MYO3A: variants seen among roughly 807,000 people sequenced by gnomAD.
The protein encoded by MYO3A is myosin IIIA, also known as myosin-IIIa.
In MYO3A, 180 loss-of-function variants were observed where a neutral mutation model predicts 192.7. The ratio of observed to expected loss-of-function variants is 0.93; its 90% CI spans 0.83 to 1.06. The LOEUF is 1.06. Ranked by LOEUF, MYO3A falls within the 50% of genes least tolerant of loss-of-function variation. The probability of loss-of-function intolerance (pLI) is 0.00; values close to 1 mark genes in which losing one functional copy is unlikely to be tolerated. For missense variants in MYO3A, 1,896 were observed against 1,905.0 expected, an observed-to-expected ratio of 1.00 and a Z score of 0.09; for synonymous variants, 628 against 645.3, an observed-to-expected ratio of 0.97 and a Z score of 0.41.
At chr10:26,184,723 C>G (rs1349670585) in intron 31 of MYO3A, among the ~76,000 whole-genome samples, 1 of 152,154 alleles carries the variant, frequency 6.6e-6, no homozygotes, top group Admixed American at 6.5e-5. Flanking sequence ...AAATATCTTA[C>G]CTTCTGGCTA....
chr10:25,962,996 A>G (rs1838035173), intron 4 of MYO3A, among the ~76,000 whole-genome samples: 1 of 152,162 alleles, frequency 6.6e-6, no homozygotes, highest in African/African-American at 2.4e-5. Context: ...CAGAGTTAGG[A>G]CATCTTTCTG....
chr10:26,177,365 G>C (rs1842387088), intron 31 of MYO3A, among the ~76,000 whole-genome samples: 2 of 152,084 alleles, frequency 1.3e-5, no homozygotes, highest in African/African-American at 2.4e-5. Context: ...CTGTGCAAAG[G>C]TTATATGGCC....
intron 31 of MYO3A, among the ~76,000 whole-genome samples, chr10:26,180,035 A>G (rs1004879063): frequency 1.3e-5 from 2 of 151,996 alleles, no homozygotes; most frequent in Non-Finnish European, 2.9e-5. Context: ...GGGTTTCACC[A>G]TGTTGGCCAG....
intron 20 of MYO3A, among the ~76,000 whole-genome samples, chr10:26,137,751 G>T (rs902026443): frequency 6.6e-6 from 1 of 152,160 alleles, no homozygotes; most frequent in African/African-American, 2.4e-5. Context: ...CCTGGGGGAG[G>T]TCTATAATCG....
At chr10:26,156,801 C>A (rs539108872) in intron 25 of MYO3A, among the ~76,000 whole-genome samples, 4 of 152,116 alleles carry the variant, frequency 2.6e-5, no homozygotes, top group Non-Finnish European at 5.9e-5. Context: ...AGGTATTAAG[C>A]CCAGTACCCG....
rs1312117021 is a variant in MYO3A, at chr10:26,118,186, G to GT, written c.1777-2480dup. Among the ~76,000 whole-genome samples the GT allele has an allele frequency of 9.4e-3, 1,388 of 148,080 alleles. 13 individuals carry two copies. Among genetic ancestry groups the GT allele is most frequent in the Non-Finnish European group, 0.015 (1,007 of 66,774 alleles). On this transcript the variant is annotated intron_variant, in intron 17 of 34. Coordinates refer to ENST00000642920, the MANE Select transcript of MYO3A (RefSeq NM_017433.5). ...TATCCTTTGCCCACTTTTTAATAGG[G>GT]TTTTTTTTTTCCTAAGGCCTATAGT...
chr10:26,200,762 C>G (rs1335190221), intron 32 of MYO3A: 2 of 152,236 alleles, frequency 1.3e-5, no homozygotes, highest in African/African-American at 4.8e-5. Context: ...ACATTTATGT[C>G]ATAAATGGGC....
intron 4 of MYO3A, among the ~76,000 whole-genome samples, chr10:25,980,251 A>AG (rs1379675011): frequency 1.3e-5 from 2 of 151,426 alleles, no homozygotes; most frequent in Non-Finnish European, 2.9e-5. Context: ...AAAAAAAAAA[A>AG]GCAAAAAACC....
Position 26,168,811 on chromosome 10 carries a change from T to G in MYO3A, c.3211T>G (p.Cys1071Gly). The G allele has an allele frequency of 6.2e-7, 1 of 1,613,090 alleles. No homozygotes were observed. Among genetic ancestry groups the G allele is most frequent in the Non-Finnish European group, 8.5e-7 (1 of 1,179,618 alleles). ...TCAAGCTTGTGTCAGAGCATTCTTGTGTTCAAGAAGATACCAAAAAATACA... is the reference window on the plus strand; with the variant it reads ...TCAAGCTTGTGTCAGAGCATTCTTGGGTTCAAGAAGATACCAAAAAATACA... The part of the protein sequence containing the change: ...LIQACVRAFL[C>G]SRRYQKIQEK... Residue 1071 changes from cysteine (C) to glycine (G), a missense_variant, in exon 28 of 35, where the codon TGT (cysteine) becomes GGT (glycine). By Grantham distance (159) the Cys-to-Gly change is radical. Transcript: ENST00000642920.
rs143558205 is a variant in MYO3A at position 26,108,924 on chromosome 10, G to A, written c.1777-11752G>A. Among the ~76,000 whole-genome samples the A allele has an allele frequency of 1.7e-3, 253 of 152,284 alleles. 1 individual carries two copies. Among genetic ancestry groups the A allele is most frequent in the African/African-American group, 5.8e-3 (241 of 41,568 alleles). On this transcript the variant is annotated intron_variant, in intron 17 of 34. Transcript: ENST00000642920. The stretch of plus-strand genomic sequence containing the variant: ...AACTAGGGCCCTGCCTTACAAGGGA[G>A]GTTTAGGTAAATCCAGTGCCATCTT...
chr10:26,128,443 A>C lies in MYO3A; in HGVS notation c.2167A>C (p.Asn723His), dbSNP rs375759440. ...CATTCTTGATATATTTGGCTTTGAA[A>C]ATTTCAAAAAAAATTCCTTCGAGCA... ...IGILDIFGFE[N>H]FKKNSFEQLC... is the part of the protein sequence containing the mutation. Residue 723 changes from asparagine to histidine, a missense_variant, in exon 20 of 35, where the codon AAT becomes CAT. Asn to His is a moderately conservative substitution (Grantham distance 68). Transcript: ENST00000642920. 1.6e-5 allele frequency: 25 copies of C among 1,612,800 alleles called. No homozygotes were observed. The Admixed American group carries it at 1.7e-4, about 11-fold the overall frequency.
At chr10:26,129,130 T>C (rs1839392165) in intron 20 of MYO3A, among the ~76,000 whole-genome samples, 1 of 152,142 alleles carries the variant, frequency 6.6e-6, no homozygotes, top group African/African-American at 2.4e-5. Flanking sequence ...TCTAAAGGAG[T>C]CATATTTAAT....
chr10:25,995,349 G>C (rs1217896650), intron 4 of MYO3A, among the ~76,000 whole-genome samples: 1 of 152,182 alleles, frequency 6.6e-6, no homozygotes, highest in Non-Finnish European at 1.5e-5. Context: ...GTGGTTTTCA[G>C]CTCCATCAGG....
chr10:26,068,434 T>G (rs1321174735), intron 11 of MYO3A, among the ~76,000 whole-genome samples: 1 of 152,176 alleles, frequency 6.6e-6, no homozygotes, highest in Non-Finnish European at 1.5e-5. Flanking sequence ...CCTTCCCTTT[T>G]CTCTTTACTT....
intron 20 of MYO3A, among the ~76,000 whole-genome samples, chr10:26,133,646 T>G (rs892402915): frequency 6.6e-6 from 1 of 152,180 alleles, no homozygotes; most frequent in Non-Finnish European, 1.5e-5. Flanking sequence ...CAAACTAGAG[T>G]GCAGTGGCAC....
chr10:26,026,620 A>G, intron 10 of MYO3A, 88 bp downstream of exon 10: 5 of 1,504,614 alleles, frequency 3.3e-6, no homozygotes, highest in Non-Finnish European at 4.6e-6. Context: ...TAAGGTGAAT[A>G]AAATTTGGAG....
intron 17 of MYO3A, among the ~76,000 whole-genome samples, chr10:26,117,841 C>G (rs921167186): frequency 6.6e-6 from 1 of 152,136 alleles, no homozygotes; most frequent in South Asian, 2.1e-4. Flanking sequence ...AATTTATATT[C>G]TTTTGGGTAT....
At chr10:26,143,078 C>T (rs1439992067) in intron 20 of MYO3A, among the ~76,000 whole-genome samples, 1 of 152,144 alleles carries the variant, frequency 6.6e-6, no homozygotes, top group East Asian at 1.9e-4. Flanking sequence ...TGCCTGTAAT[C>T]CCAGCACTTT....
At chr10:26,134,536 AAG>A (rs956145698) in intron 20 of MYO3A, among the ~76,000 whole-genome samples, 2 of 152,212 alleles carry the variant, frequency 1.3e-5, no homozygotes, top group African/African-American at 4.8e-5. Flanking sequence ...TGTATATAGA[AAG>A]AGAGAATGAA....
Sources: allele counts gnomAD v4.1 joint callset (sites outside exome capture counted in the v4.1 genomes callset), GRCh38; gene constraint gnomAD v4.1.1; transcripts MANE v1.5; gene names NCBI Gene and HGNC (gene_info 2026-07-23, HGNC 2026-07-21).